The following RNF168 variants were observed in gnomAD, a reference collection of about 807,000 sequenced individuals.
RNF168 encodes ring finger protein 168.
RNF168 carries 34 observed loss-of-function variants against 34.9 expected under a neutral mutation model. The ratio of observed to expected loss-of-function variants is 0.97; its 90% confidence interval spans 0.74 to 1.30. The LOEUF is 1.30. RNF168 is among the 50% of genes most tolerant of loss of function. The pLI is 0.00. For missense variants in RNF168, 725 were observed against 682.5 expected (o/e 1.06, Z -0.69); for synonymous variants, 264 against 254.7 (o/e 1.04, Z -0.35).
intron 1 of RNF168, among the ~76,000 whole-genome samples, chr3:196,493,851 A>AT (rs1286264345): frequency 7.3e-6 from 1 of 137,806 alleles, no homozygotes; most frequent in Non-Finnish European, 1.5e-5. Flanking sequence ...CTTTTTTTAA[A>AT]TTTATTTTTT....
chr3:196,493,296 T>C (rs2108652665), intron 1 of RNF168, among the ~76,000 whole-genome samples: 1 of 152,340 alleles, frequency 6.6e-6, no homozygotes, highest in South Asian at 2.1e-4. Context: ...ATAAACTGAA[T>C]CTAAATTAAG....
At chr3:196,495,552 T>C (rs2108653627) in intron 1 of RNF168, among the ~76,000 whole-genome samples, 1 of 152,364 alleles carries the variant, frequency 6.6e-6, no homozygotes, top group South Asian at 2.1e-4. Flanking sequence ...ATTTGGGTTT[T>C]TGTTTTCTCA....
chr3:196,485,817 A>G (rs1305816002), intron 3 of RNF168, among the ~76,000 whole-genome samples: 2 of 152,208 alleles, frequency 1.3e-5, no homozygotes, highest in Non-Finnish European at 2.9e-5. Context: ...CCATGATTCA[A>G]TGGTAAGTGT....
chr3:196,484,171 C>CTTTTTTTTTTTTTTTTTTTTTT lies in RNF168; in HGVS notation c.559-281_559-280insAAAAAAAAAAAAAAAAAAAAAA, dbSNP rs71699491. ...GATAATTCCTGTTGATCTTTCTTTC[C>CTTTTTTTTTTTTTTTTTTTTTT]TTTTTTTTTTTTTTTTTGAGACGCA... On this transcript the variant is annotated intron_variant, in intron 3 of 5. Coordinates refer to ENST00000318037, the MANE Select transcript of RNF168 (RefSeq NM_152617.4). 1.7e-5 allele frequency among the ~76,000 whole-genome samples: 2 copies of CTTTTTTTTTTTTTTTTTTTTTT among 119,462 alleles called. 1 individual carries two copies. Among genetic ancestry groups the CTTTTTTTTTTTTTTTTTTTTTT allele is most frequent in the African/African-American group, 6.8e-5 (2 of 29,264 alleles). The allele number at this position is 119,462 out of a possible 152,430, so 78.4% of individuals were successfully genotyped here.
In RNF168 at chr3:196,472,453, A is replaced by G; in HGVS notation, c.1082T>C (p.Val361Ala). The change falls in exon 6 of 6, where the codon GTG becomes GCG. Residue 361 changes from valine to alanine, a missense_variant. By Grantham distance (64) the Val-to-Ala change is moderately conservative (BLOSUM62 0). Coordinates refer to ENST00000318037, the MANE Select transcript of RNF168 (RefSeq NM_152617.4). ...TESGCAPTSG[V>A]TQTNGNNTGE... ...TGTGTTGTTTCCATTTGTCTGTGTC[A>G]CCCCTGATGTGGGGGCGCACCCACT... is the stretch of plus-strand genomic sequence containing the variant. The G allele has an allele frequency of 6.2e-7, 1 of 1,613,760 alleles. No homozygotes were observed. Among genetic ancestry groups the G allele is most frequent in the Non-Finnish European group, 8.5e-7 (1 of 1,179,852 alleles).
chr3:196,477,474 A>G (rs879542138), intron 4 of RNF168, among the ~76,000 whole-genome samples: 1 of 152,264 alleles, frequency 6.6e-6, no homozygotes, highest in Non-Finnish European at 1.5e-5. Context: ...TACCTAACCC[A>G]TATATTTAGT....
chr3:196,488,278 G>A (rs931476882), intron 2 of RNF168, among the ~76,000 whole-genome samples: 3 of 151,936 alleles, frequency 2.0e-5, no homozygotes, highest in Non-Finnish European at 4.4e-5. Flanking sequence ...TCAGGAGATC[G>A]AGACCATCCT....
intron 1 of RNF168, among the ~76,000 whole-genome samples, chr3:196,494,447 G>A (rs1263022929): frequency 6.6e-6 from 1 of 152,140 alleles, no homozygotes; most frequent in Non-Finnish European, 1.5e-5. Flanking sequence ...TTAAAGACCT[G>A]AATGTATAAT....
At chr3:196,490,288 T>A (rs1297082209) in intron 1 of RNF168, among the ~76,000 whole-genome samples, 1 of 152,202 alleles carries the variant, frequency 6.6e-6, no homozygotes, top group Non-Finnish European at 1.5e-5. Flanking sequence ...AATTTTATTC[T>A]ATAAAACAAG....
intron 5 of RNF168, among the ~76,000 whole-genome samples, chr3:196,473,896 A>G (rs903910368): frequency 3.3e-5 from 5 of 152,110 alleles, no homozygotes; most frequent in African/African-American, 9.7e-5. Flanking sequence ...AGTTACTTCT[A>G]TAAGTAACTT....
At position 196,484,953 on chromosome 3, in the gene RNF168, G is replaced by C. The variant is rs574922309; in HGVS notation, c.559-1062C>G. 4.1e-4 allele frequency among the ~76,000 whole-genome samples: 62 copies of C among 152,066 alleles called. 1 individual carries two copies. The highest frequency in any genetic ancestry group is 6.9e-4 in the Non-Finnish European group (47 of 68,026). ...TTATAGGTCTGTGCCACTGTGCCCA[G>C]CCTGTTGATTTTTCTAATAAATACT... On this transcript the variant is annotated intron_variant, in intron 3 of 5. Coordinates refer to ENST00000318037, the MANE Select transcript of RNF168 (RefSeq NM_152617.4).
intron 4 of RNF168, among the ~76,000 whole-genome samples, chr3:196,479,566 G>C (rs913108580): frequency 1.3e-5 from 2 of 151,900 alleles, no homozygotes; most frequent in Non-Finnish European, 2.9e-5. Flanking sequence ...CTCCCAAAGT[G>C]CTGGGATTGC....
chr3:196,496,012 A>G (rs1176489538), intron 1 of RNF168, among the ~76,000 whole-genome samples: 1 of 152,240 alleles, frequency 6.6e-6, no homozygotes, highest in Non-Finnish European at 1.5e-5. Flanking sequence ...TTAAAAATAC[A>G]TAAAGTAAAT....
In RNF168 at chr3:196,503,024, G is replaced by A. The variant is rs141633648; in HGVS notation, c.150C>T (p.Cys50=). The A allele has an allele frequency of 2.5e-6, 4 of 1,614,146 alleles. No individual in the cohort carries two copies. Among genetic ancestry groups the A allele is most frequent in the Non-Finnish European group, 3.4e-6 (4 of 1,180,028 alleles). The change falls in exon 1 of 6, where the codon TGC becomes TGT. Residue 50 remains cysteine (C), a synonymous_variant. Coordinates refer to ENST00000318037, the MANE Select transcript of RNF168 (RefSeq NM_152617.4). ...ATACCCGGCGGCGACAGAAGGGACA[G>A]CATAAACTCGCCTTTTCGACGGTCG... ...FQSTVEKASL[C]CPFCRRRVSS...
In RNF168 at chr3:196,502,972, T is replaced by G; in HGVS notation, c.202A>C (p.Arg68=). 1.2e-6 allele frequency: 2 copies of G among 1,614,074 alleles called. No individual in the cohort carries two copies. The highest frequency in any genetic ancestry group is 4.5e-5 in the East Asian group (2 of 44,876). ...AGTTCCACGTTGACGAGAGAATTTCTTCGGGTATGGTACCGAGTCCACGAC... is the reference window on the plus strand; with the variant it reads ...AGTTCCACGTTGACGAGAGAATTTCGTCGGGTATGGTACCGAGTCCACGAC... ...VSSWTRYHTR[R]NSLVNVELWT... The change falls in exon 1 of 6, where the codon AGA becomes CGA. Residue 68 remains arginine (R), a synonymous_variant. Coordinates refer to ENST00000318037, the MANE Select transcript of RNF168 (RefSeq NM_152617.4).
At chr3:196,475,554 T>TTC (rs990663575) in intron 4 of RNF168, among the ~76,000 whole-genome samples, 3 of 147,178 alleles carry the variant, frequency 2.0e-5, no homozygotes, top group Admixed American at 6.8e-5. Context: ...TATTTTTTCT[T>TTC]TTTTTTTTTT....
At chr3:196,497,873 T>C (rs190545125) in intron 1 of RNF168, among the ~76,000 whole-genome samples, 212 of 146,688 alleles carry the variant, frequency 1.4e-3, no homozygotes, top group African/African-American at 4.1e-3. Flanking sequence ...ACATAAATAA[T>C]GTCTACAACT....
rs765657576 is a variant in RNF168, at chr3:196,472,602, T to C, written c.933A>G (p.Glu311=). ...TGCTTGGTCTTGTTTTGACGTTTCC[T>C]TCATGGTACCATTCGGCACCACAGG... is the stretch of plus-strand genomic sequence containing the variant. ...LCACGAEWYH[E]GNVKTRPSNH... is the part of the protein sequence containing the mutation. Residue 311 remains glutamate (E), a synonymous_variant, in exon 6 of 6, where the codon GAA becomes GAG. Coordinates refer to ENST00000318037, the MANE Select transcript of RNF168 (RefSeq NM_152617.4). 9 of 1,614,090 alleles carry C rather than the reference T, an allele frequency of 5.6e-6. No individual in the cohort carries two copies. The South Asian group carries it at 9.9e-5, about 18-fold the overall frequency.
intron 4 of RNF168, among the ~76,000 whole-genome samples, chr3:196,481,442 A>G (rs1255707262): frequency 6.6e-6 from 1 of 151,830 alleles, no homozygotes; most frequent in Non-Finnish European, 1.5e-5. Context: ...CTGTCTGGAA[A>G]AAAAAAAAAA....
Sources: allele counts gnomAD v4.1 joint callset (sites outside exome capture counted in the v4.1 genomes callset), GRCh38; gene constraint gnomAD v4.1.1; transcripts MANE v1.5; gene names NCBI Gene and HGNC (gene_info 2026-07-23, HGNC 2026-07-21).